EPHA6: variants seen among roughly 807,000 people sequenced by gnomAD.
EPHA6 encodes the protein EPH receptor A6.
EPHA6 carries 50 observed loss-of-function variants against 112.0 expected under a neutral mutation model. That is an observed-to-expected ratio of 0.45 (90% CI 0.36 to 0.56). EPHA6 has a LOEUF of 0.56. Among genes scored for constraint, EPHA6 ranks in the 20% least tolerant of loss-of-function variants. The pLI, the probability that EPHA6 is intolerant of heterozygous loss-of-function variation, is 0.00. For missense variants in EPHA6, 1,280 were observed against 1,417.4 expected, an observed-to-expected ratio of 0.90 and a Z score of 1.56; for synonymous variants, 529 against 490.7, an observed-to-expected ratio of 1.08 and a Z score of -1.03.
At chr3:97,553,812 G>C (rs1039054454) in intron 11 of EPHA6, among the ~76,000 whole-genome samples, 7 of 152,138 alleles carry the variant, frequency 4.6e-5, no homozygotes, top group African/African-American at 1.2e-4. Flanking sequence ...GACAAGACTA[G>C]CTTGGAATCA....
chr3:96,951,610 A>G (rs2041538139), intron 2 of EPHA6, among the ~76,000 whole-genome samples: 1 of 152,134 alleles, frequency 6.6e-6, no homozygotes, highest in East Asian at 1.9e-4. Flanking sequence ...TAACATCTTC[A>G]TAATAACTCG....
At chr3:97,409,144 G>T (rs1448306168) in intron 6 of EPHA6, among the ~76,000 whole-genome samples, 1 of 152,030 alleles carries the variant, frequency 6.6e-6, no homozygotes, top group East Asian at 1.9e-4. Flanking sequence ...AAGCCAGCAA[G>T]ACTTTCTGTT....
At chr3:96,845,899 T>G (rs1330140177) in intron 1 of EPHA6, among the ~76,000 whole-genome samples, 1 of 151,968 alleles carries the variant, frequency 6.6e-6, no homozygotes, top group African/African-American at 2.4e-5. Flanking sequence ...TTAGAACATC[T>G]ATTTGAAATA....
intron 2 of EPHA6, among the ~76,000 whole-genome samples, chr3:96,896,813 T>C (rs956193165): frequency 1.3e-5 from 2 of 152,214 alleles, no homozygotes; most frequent in East Asian, 3.9e-4. Context: ...GCCTTTTACA[T>C]GCCTGTTAGG....
intron 3 of EPHA6, among the ~76,000 whole-genome samples, chr3:97,202,833 G>A (rs2077613534): frequency 6.6e-6 from 1 of 152,106 alleles, no homozygotes; most frequent in Non-Finnish European, 1.5e-5. Flanking sequence ...CTTGAGAATA[G>A]CAGTAAAAAG....
At chr3:97,599,676 A>T (rs1436647474) in intron 12 of EPHA6, among the ~76,000 whole-genome samples, 1 of 151,924 alleles carries the variant, frequency 6.6e-6, no homozygotes, top group African/African-American at 2.4e-5. Context: ...GTAGCCTTGT[A>T]GTATAGTTTG....
intron 2 of EPHA6, among the ~76,000 whole-genome samples, chr3:96,920,867 T>C (rs1225093708): frequency 6.6e-6 from 1 of 152,082 alleles, no homozygotes; most frequent in Non-Finnish European, 1.5e-5. Flanking sequence ...TAATTTGTTC[T>C]AGTTTTAAAT....
At chr3:97,059,840 G>T (rs577214897) in intron 3 of EPHA6, among the ~76,000 whole-genome samples, 1 of 152,004 alleles carries the variant, frequency 6.6e-6, no homozygotes, top group South Asian at 2.1e-4. Context: ...GCTAATGGCT[G>T]GGCGCAGTGG....
chr3:96,982,672 A>G (rs956442709), intron 2 of EPHA6, among the ~76,000 whole-genome samples: 6 of 152,056 alleles, frequency 3.9e-5, no homozygotes, highest in Non-Finnish European at 7.4e-5. Flanking sequence ...GTCTCCCATT[A>G]TTGTTGTGTG....
At chr3:97,205,405 C>T (rs899515039) in intron 3 of EPHA6, among the ~76,000 whole-genome samples, 14 of 151,940 alleles carry the variant, frequency 9.2e-5, no homozygotes, top group Non-Finnish European at 1.6e-4. Flanking sequence ...TTATACTATA[C>T]ATTTTAAATT....
At chr3:97,647,645 A>C (rs1407185120) in intron 14 of EPHA6, among the ~76,000 whole-genome samples, 1 of 152,136 alleles carries the variant, frequency 6.6e-6, no homozygotes, top group Non-Finnish European at 1.5e-5. Context: ...TATGTGGCTA[A>C]ATTAATCTGC....
At chr3:97,403,228 A>T (rs948190110) in intron 5 of EPHA6, among the ~76,000 whole-genome samples, 7 of 152,132 alleles carry the variant, frequency 4.6e-5, no homozygotes, top group Admixed American at 3.9e-4. Flanking sequence ...TCATTATTAA[A>T]ACAGTTTAAT....
intron 5 of EPHA6, among the ~76,000 whole-genome samples, chr3:97,253,975 C>T (rs537875850): frequency 6.6e-6 from 1 of 151,918 alleles, no homozygotes; most frequent in Non-Finnish European, 1.5e-5. Context: ...AGGGATTGCA[C>T]ATTTAGAATC....
chr3:97,759,331 G>A lies in EPHA6; in HGVS notation c.*10630G>A, dbSNP rs1018202698. 3.3e-5 allele frequency among the ~76,000 whole-genome samples: 5 copies of A among 152,064 alleles called. No individual in the cohort carries two copies. The highest frequency in any genetic ancestry group is 3.3e-4 in the Admixed American group (5 of 15,266). On this transcript the variant is annotated 3_prime_UTR_variant, in exon 18 of 18. Transcript: ENST00000389672. The stretch of plus-strand genomic sequence containing the variant: ...TCCCAACTGACATGGATTAAGGCGA[G>A]ATGTAAAGGAAGGAGGTGAAATCAC...
chr3:97,331,361 AT>A (rs2082789308), intron 5 of EPHA6, among the ~76,000 whole-genome samples: 1 of 152,166 alleles, frequency 6.6e-6, no homozygotes, highest in African/African-American at 2.4e-5. Context: ...GAACAAACAC[AT>A]TCAAAAGCTA....
chr3:96,983,457 G>C (rs1200545832), intron 2 of EPHA6, among the ~76,000 whole-genome samples: 4 of 152,144 alleles, frequency 2.6e-5, no homozygotes, highest in African/African-American at 4.8e-5. Flanking sequence ...TGTGGGTAAT[G>C]TGACCTTTCT....
intron 5 of EPHA6, among the ~76,000 whole-genome samples, chr3:97,300,165 G>C (rs566235065): frequency 6.6e-6 from 1 of 152,020 alleles, no homozygotes; most frequent in East Asian, 1.9e-4. Flanking sequence ...CTTTATTATA[G>C]TCGCCTTTTA....
chr3:97,450,038 A>G (rs1389052340), intron 7 of EPHA6, among the ~76,000 whole-genome samples: 1 of 152,102 alleles, frequency 6.6e-6, no homozygotes, highest in Non-Finnish European at 1.5e-5. Flanking sequence ...TGAGTAAACT[A>G]ATTAATAAAA....
chr3:97,134,464 G>A (rs965572183), intron 3 of EPHA6, among the ~76,000 whole-genome samples: 2 of 152,078 alleles, frequency 1.3e-5, no homozygotes, highest in African/African-American at 2.4e-5. Context: ...TGATCCTTGA[G>A]TGCAATCAGG....
Sources: gnomAD v4.1 joint callset for allele counts (sites outside exome capture counted in the v4.1 genomes callset) on GRCh38, gnomAD v4.1.1 for gene constraint, MANE v1.5 for transcripts, NCBI Gene and HGNC (gene_info 2026-07-23, HGNC 2026-07-21) for gene names.